OTUD7A: variants seen among roughly 807,000 people sequenced by gnomAD.
OTUD7A encodes the protein OTU domain-containing protein 7A.
In OTUD7A, 12 loss-of-function variants were observed where a neutral mutation model predicts 65.7. The ratio of observed to expected loss-of-function variants is 0.18; its 90% CI spans 0.12 to 0.30. OTUD7A has a LOEUF of 0.30. Among genes scored for constraint, OTUD7A ranks in the 10% least tolerant of loss-of-function variants. The pLI is 1.00. For missense variants in OTUD7A, 1,148 were observed against 1,304.8 expected (o/e 0.88, Z 1.85); for synonymous variants, 641 against 586.3 (o/e 1.09, Z -1.35).
chr15:31,572,213 C>T (rs1889075854), intron 3 of OTUD7A, among the ~76,000 whole-genome samples: 1 of 152,194 alleles, frequency 6.6e-6, no homozygotes, highest in African/African-American at 2.4e-5. Context: ...ATACACACAG[C>T]TGAAAATATT....
In OTUD7A at chr15:31,478,987, G is replaced by C. The variant is rs2041069610; in HGVS notation, c.*4307C>G. 6.6e-6 allele frequency: 1 copy of C among 152,300 alleles called. No homozygotes were observed. The highest frequency in any genetic ancestry group is 2.1e-4 in the South Asian group (1 of 4,830). The allele number at this position is 152,300 out of a possible 1,614,324, so 9.4% of individuals were successfully genotyped here. On this transcript the variant is annotated 3_prime_UTR_variant, in exon 13 of 13. Transcript: ENST00000307050. The stretch of plus-strand genomic sequence containing the variant: ...AGGACACGGGCAACAGGGTGGACTT[G>C]AATTAAACAAGAACAAAGCTGAGCG...
chr15:31,529,839 G>A (rs1434703592), intron 6 of OTUD7A, among the ~76,000 whole-genome samples: 2 of 152,194 alleles, frequency 1.3e-5, no homozygotes, highest in Non-Finnish European at 2.9e-5. Context: ...TGACAAACAA[G>A]GACTGCATTC....
chr15:31,558,863 C>G (rs1888586243), intron 5 of OTUD7A, 106 bp downstream of exon 5: 7 of 1,265,484 alleles, frequency 5.5e-6, no homozygotes, highest in Non-Finnish European at 7.8e-6. Context: ...TGAAAACTGC[C>G]CAGAGTCTGA....
intron 1 of OTUD7A, among the ~76,000 whole-genome samples, chr15:31,793,026 C>T (rs1417842230): frequency 3.9e-5 from 6 of 152,162 alleles, no homozygotes; most frequent in South Asian, 2.1e-4. Context: ...TGACAGATGG[C>T]GTGTGGGCAC....
intron 1 of OTUD7A, among the ~76,000 whole-genome samples, chr15:31,690,717 C>A (rs4294789): frequency 6.6e-6 from 1 of 151,906 alleles, no homozygotes. Context: ...CTGGGAAAAC[C>A]GCATATCCAC....
At chr15:31,763,367 T>C (rs1357245011) in intron 1 of OTUD7A, among the ~76,000 whole-genome samples, 2 of 152,126 alleles carry the variant, frequency 1.3e-5, no homozygotes, top group Non-Finnish European at 2.9e-5. Flanking sequence ...GTGGAAATTT[T>C]AGAGATGAAA....
intron 1 of OTUD7A, among the ~76,000 whole-genome samples, chr15:31,803,802 G>A (rs187477368): frequency 2.6e-5 from 4 of 152,206 alleles, no homozygotes; most frequent in East Asian, 1.9e-4. Context: ...CAGCCCTGGT[G>A]GGGTAGGGGA....
chr15:31,635,411 G>A (rs1187383846), intron 3 of OTUD7A, among the ~76,000 whole-genome samples: 1 of 152,206 alleles, frequency 6.6e-6, no homozygotes, highest in East Asian at 1.9e-4. Context: ...AGGGCTAGCG[G>A]AGCAAATAAT....
At chr15:31,663,199 T>C (rs1892215780) in intron 1 of OTUD7A, among the ~76,000 whole-genome samples, 2 of 151,308 alleles carry the variant, frequency 1.3e-5, no homozygotes, top group African/African-American at 4.9e-5. Flanking sequence ...GAAATAACTT[T>C]GGTGTTTCCA....
At chr15:31,737,346 G>A (rs991502241) in intron 1 of OTUD7A, among the ~76,000 whole-genome samples, 2 of 151,988 alleles carry the variant, frequency 1.3e-5, no homozygotes, top group East Asian at 1.9e-4. Flanking sequence ...CAAAAGACAC[G>A]AACAAGCGGT....
chr15:31,750,403 CAAAAAA>C (rs3080850), intron 1 of OTUD7A, among the ~76,000 whole-genome samples: 1 of 88,324 alleles, frequency 1.1e-5, no homozygotes, highest in African/African-American at 4.3e-5. Context: ...GAATCTGACT[CAAAAAA>C]AAAAAAAAAA....
At chr15:31,631,279 A>G (rs1245034772) in intron 3 of OTUD7A, among the ~76,000 whole-genome samples, 2 of 152,180 alleles carry the variant, frequency 1.3e-5, no homozygotes, top group Middle Eastern at 3.2e-3. Flanking sequence ...TTTAGGGCAG[A>G]CCTGGTGGTG....
rs1158275588 is a variant in OTUD7A at position 31,669,482 on chromosome 15, G to A, written c.-99-12405C>T. Among the ~76,000 whole-genome samples, 3 of 152,270 alleles carry A rather than the reference G, an allele frequency of 2.0e-5. No homozygotes were observed. The East Asian group carries it at 5.8e-4, about 29-fold the overall frequency. Reference sequence around the variant, plus strand: ...CAGCTGCCATGCAGTCCGAAGGGCCGGTCTTCTCCCACTGTGCCTCCCCTA... The same window carrying A: ...CAGCTGCCATGCAGTCCGAAGGGCCAGTCTTCTCCCACTGTGCCTCCCCTA... On this transcript the variant is annotated intron_variant, in intron 1 of 12. Coordinates refer to ENST00000307050, the MANE Select transcript of OTUD7A (RefSeq NM_001382637.1).
intron 3 of OTUD7A, among the ~76,000 whole-genome samples, chr15:31,602,738 TAAG>T (rs1890117707): frequency 2.0e-5 from 3 of 152,212 alleles, no homozygotes; most frequent in Non-Finnish European, 4.4e-5. Context: ...CTTAAGCTGA[TAAG>T]TAACTTCAGC....
At chr15:31,734,475 G>A (rs1403852271) in intron 1 of OTUD7A, among the ~76,000 whole-genome samples, 4 of 152,168 alleles carry the variant, frequency 2.6e-5, no homozygotes, top group Non-Finnish European at 4.4e-5. Context: ...GAACAAAGCT[G>A]GAGGCATCAT....
At position 31,739,847 on chromosome 15, in the gene OTUD7A, A is replaced by G. The variant is rs111741079; in HGVS notation, c.-99-82770T>C. Among the ~76,000 whole-genome samples the G allele has an allele frequency of 7.6e-3, 1,164 of 152,290 alleles. 17 individuals carry two copies. The highest frequency in any genetic ancestry group is 0.027 in the African/African-American group (1,104 of 41,560). ...TCAGCTTCCCAAAGTGCTGGGATTA[A>G]AGGCTGAACCACTGCGCCTGGCCTC... is the stretch of plus-strand genomic sequence containing the variant. On this transcript the variant is annotated intron_variant, in intron 1 of 12. Transcript: ENST00000307050.
chr15:31,767,237 A>T, intron 1 of OTUD7A: 2 of 931,876 alleles, frequency 2.1e-6, no homozygotes, highest in Admixed American at 1.9e-5. Flanking sequence ...TATGTATCCC[A>T]CTGGATCTAT....
intron 8 of OTUD7A, among the ~76,000 whole-genome samples, chr15:31,507,260 A>C (rs1220951593): frequency 1.3e-5 from 2 of 152,152 alleles, no homozygotes; most frequent in African/African-American, 4.8e-5. Flanking sequence ...GTTTAGAGTT[A>C]GTTAAGGTGG....
chr15:31,812,939 G>A (rs11638384), intron 1 of OTUD7A, among the ~76,000 whole-genome samples: 48,587 of 151,898 alleles, frequency 0.32, 8,412 homozygotes, highest in South Asian at 0.56. Flanking sequence ...ACTAAGCTCC[G>A]CACACACACA....
Sources: allele counts gnomAD v4.1 joint callset (sites outside exome capture counted in the v4.1 genomes callset), GRCh38; gene constraint gnomAD v4.1.1; transcripts MANE v1.5; gene names NCBI Gene and HGNC (gene_info 2026-07-23, HGNC 2026-07-21).